ARL8B: variants seen among roughly 807,000 people sequenced by gnomAD.
The protein encoded by ARL8B is ARF like GTPase 8B, also known as ADP-ribosylation factor-like protein 8B.
Under a neutral mutation model 30.6 loss-of-function variants are expected in ARL8B, and 9 were observed. The ratio of observed to expected loss-of-function variants is 0.29; its 90% confidence interval spans 0.18 to 0.51. The LOEUF (loss-of-function observed/expected upper bound fraction) is 0.51. ARL8B is among the 20% of genes least tolerant of loss of function. The pLI is 0.97. For missense variants in ARL8B, 130 were observed against 227.2 expected, an observed-to-expected ratio of 0.57 and a Z score of 2.75; for synonymous variants, 74 against 76.0, an observed-to-expected ratio of 0.97 and a Z score of 0.14.
At chr3:5,136,079 C>T (rs757254827) in intron 1 of ARL8B, among the ~76,000 whole-genome samples, 34 of 151,590 alleles carry the variant, frequency 2.2e-4, no homozygotes, top group Non-Finnish European at 4.6e-4. Flanking sequence ...TGAGCCATCA[C>T]GCCTGGCCTA....
In ARL8B at chr3:5,122,580, G is replaced by A; in HGVS notation, c.115G>A (p.Val39Ile). ...CTCGGGCAAGACCACCTTCGTCAAT[G>A]TCATCGCGGTGAGCGCCCGCCCACT... ...QYSGKTTFVN[V>I]IASGQFSEDM... The change falls in exon 1 of 7, where the codon GTC becomes ATC. Residue 39 changes from valine (V) to isoleucine (I), a missense_variant. By Grantham distance (29) the Val-to-Ile change is conservative. Coordinates refer to ENST00000256496, the MANE Select transcript of ARL8B (RefSeq NM_018184.3). 1 of 1,600,564 alleles carries A rather than the reference G, an allele frequency of 6.2e-7. No homozygotes were observed. Among genetic ancestry groups the A allele is most frequent in the Non-Finnish European group, 8.5e-7 (1 of 1,171,364 alleles).
chr3:5,129,178 GTTTTT>G (rs1487513435), intron 1 of ARL8B, among the ~76,000 whole-genome samples: 4 of 140,328 alleles, frequency 2.9e-5, no homozygotes, highest in Non-Finnish European at 3.0e-5. Context: ...TTTGTTTTTT[GTTTTT>G]TGTTTTTCCA....
chr3:5,133,635 G>A (rs1197804355), intron 1 of ARL8B, among the ~76,000 whole-genome samples: 12 of 152,094 alleles, frequency 7.9e-5, no homozygotes, highest in Admixed American at 6.6e-5. Flanking sequence ...AGTATAAATT[G>A]TATTACAGGC....
rs138491169 is a variant in ARL8B at position 5,176,139 on chromosome 3, A to G, written c.511+1725A>G. On this transcript the variant is annotated intron_variant, in intron 6 of 6. Coordinates refer to ENST00000256496, the MANE Select transcript of ARL8B (RefSeq NM_018184.3). ...TAAATAGTACCAGAATAGTATATCTATAAAGTTTATGCTGATATTTTTTCT... is the reference window on the plus strand; with the variant it reads ...TAAATAGTACCAGAATAGTATATCTGTAAAGTTTATGCTGATATTTTTTCT... Among the ~76,000 whole-genome samples the G allele has an allele frequency of 5.2e-3, 789 of 152,334 alleles. 10 individuals are homozygous for G. The highest frequency in any genetic ancestry group is 0.018 in the African/African-American group (738 of 41,566).
At chr3:5,124,256 ATTTTTTTTTTTTT>A (rs35897178) in intron 1 of ARL8B, among the ~76,000 whole-genome samples, 17 of 105,698 alleles carry the variant, frequency 1.6e-4, no homozygotes, top group Admixed American at 1.3e-3. Context: ...AATACCACTA[ATTTTTTTTTTTTT>A]TTTTTTTTTT....
intron 1 of ARL8B, chr3:5,157,711 C>G (rs1166574076): frequency 6.6e-6 from 1 of 152,242 alleles, no homozygotes; most frequent in Non-Finnish European, 1.5e-5. Context: ...TTCTCCCACT[C>G]TGTATTCCTC....
chr3:5,146,115 T>G (rs2054416685), intron 1 of ARL8B, among the ~76,000 whole-genome samples: 1 of 152,222 alleles, frequency 6.6e-6, no homozygotes, highest in Non-Finnish European at 1.5e-5. Context: ...CCGTGAAGCC[T>G]TCTTGCAGCA....
chr3:5,151,980 G>C (rs1389523886), intron 1 of ARL8B, among the ~76,000 whole-genome samples: 1 of 152,212 alleles, frequency 6.6e-6, no homozygotes, highest in Non-Finnish European at 1.5e-5. Flanking sequence ...AAAGTATCGA[G>C]ACTGTAGGCA....
intron 3 of ARL8B, 21 bp downstream of exon 3, chr3:5,172,244 T>C: frequency 2.5e-6 from 4 of 1,598,834 alleles, no homozygotes; most frequent in Non-Finnish European, 3.4e-6. Flanking sequence ...TTTTTTTGTT[T>C]GTTTGCTTTT....
At chr3:5,147,121 C>T (rs2054426254) in intron 1 of ARL8B, among the ~76,000 whole-genome samples, 1 of 151,970 alleles carries the variant, frequency 6.6e-6, no homozygotes, top group Non-Finnish European at 1.5e-5. Flanking sequence ...GTGCTGCACC[C>T]ACTAACCGGT....
rs1192652089 is a variant in ARL8B, at chr3:5,180,696, C to T, written c.*1983C>T. The T allele has an allele frequency of 2.0e-5, 3 of 152,560 alleles. No individual in the cohort carries two copies. The highest frequency in any genetic ancestry group is 4.4e-5 in the Non-Finnish European group (3 of 68,008). The allele number at this position is 152,560 out of a possible 1,614,324, so 9.5% of individuals were successfully genotyped here. On this transcript the variant is annotated 3_prime_UTR_variant, in exon 7 of 7. Coordinates refer to ENST00000256496, the MANE Select transcript of ARL8B (RefSeq NM_018184.3). ...TTATTTAGGTGGATGCATTTTTTGT[C>T]TGTTTACTGCTCTTCTCAGCTTTAT...
At chr3:5,172,776 T>G in intron 4 of ARL8B, 36 bp downstream of exon 4, 1 of 1,175,434 alleles carries the variant, frequency 8.5e-7, no homozygotes, top group Non-Finnish European at 1.2e-6. Context: ...ACATTGTAAT[T>G]ATATAATGAT....
At chr3:5,177,070 C>G (rs11130295) in intron 6 of ARL8B, among the ~76,000 whole-genome samples, 9,528 of 152,254 alleles carry the variant, frequency 0.063, 427 homozygotes, top group East Asian at 0.15. Flanking sequence ...AAATCCATTA[C>G]TCCCTACATG....
At chr3:5,173,860 A>G (rs1313168016) in intron 4 of ARL8B, among the ~76,000 whole-genome samples, 157 bp from the exon 5 acceptor site, 2 of 152,254 alleles carry the variant, frequency 1.3e-5, no homozygotes, top group East Asian at 1.9e-4. Context: ...AGTGTGAGCA[A>G]TGAAATGAAT....
intron 1 of ARL8B, among the ~76,000 whole-genome samples, chr3:5,145,556 C>T (rs1196858915): frequency 6.6e-6 from 1 of 152,112 alleles, no homozygotes; most frequent in Non-Finnish European, 1.5e-5. Flanking sequence ...GTGAGCACCG[C>T]AAGGGGCATG....
At chr3:5,133,217 A>G (rs1438085571) in intron 1 of ARL8B, among the ~76,000 whole-genome samples, 1 of 126,576 alleles carries the variant, frequency 7.9e-6, no homozygotes, top group African/African-American at 3.5e-5. Flanking sequence ...AAGGCTGGAA[A>G]AGTAGATCAG....
chr3:5,163,720 A>G (rs2054600903), intron 1 of ARL8B, among the ~76,000 whole-genome samples: 3 of 152,080 alleles, frequency 2.0e-5, no homozygotes, highest in Admixed American at 2.0e-4. Context: ...AAATACAAAA[A>G]TTAGCTCTGC....
At chr3:5,128,027 A>C (rs2054247874) in intron 1 of ARL8B, among the ~76,000 whole-genome samples, 1 of 151,524 alleles carries the variant, frequency 6.6e-6, no homozygotes, top group African/African-American at 2.4e-5. Context: ...ATCTGTACTA[A>C]AAATACAAAA....
intron 3 of ARL8B, 151 bp from the exon 4 acceptor site, chr3:5,172,496 T>C (rs1167007755): frequency 1.6e-6 from 1 of 640,382 alleles, no homozygotes; most frequent in Non-Finnish European, 2.7e-6. Flanking sequence ...TAAAAAGTAT[T>C]AAAGGGTGCT....
Sources: allele counts gnomAD v4.1 joint callset (sites outside exome capture counted in the v4.1 genomes callset), GRCh38; gene constraint gnomAD v4.1.1; transcripts MANE v1.5; gene names NCBI Gene and HGNC (gene_info 2026-07-23, HGNC 2026-07-21).